ADAMTS12: variants seen among roughly 807,000 people sequenced by gnomAD.
The protein encoded by ADAMTS12 is A disintegrin and metalloproteinase with thrombospondin motifs 12.
ADAMTS12 carries 118 observed loss-of-function variants against 167.8 expected under a neutral mutation model. That is an observed-to-expected ratio of 0.70 (90% confidence interval 0.61 to 0.82). The LOEUF (loss-of-function observed/expected upper bound fraction) is 0.82, where lower values mean the gene tolerates loss of function less well. Ranked by LOEUF, ADAMTS12 falls within the 40% of genes least tolerant of loss-of-function variation. The probability of loss-of-function intolerance (pLI) is 0.00; values close to 1 mark genes in which losing one functional copy is unlikely to be tolerated. For missense variants in ADAMTS12, 1,916 were observed against 1,998.8 expected, an observed-to-expected ratio of 0.96 and a Z score of 0.79; for synonymous variants, 704 against 716.9, an observed-to-expected ratio of 0.98 and a Z score of 0.29.
intron 18 of ADAMTS12, among the ~76,000 whole-genome samples, chr5:33,583,122 C>T (rs1747156449): frequency 6.6e-6 from 1 of 152,054 alleles, no homozygotes; most frequent in African/African-American, 2.4e-5. Flanking sequence ...TTAATCATCC[C>T]CACCTTCCCT....
intron 2 of ADAMTS12, among the ~76,000 whole-genome samples, chr5:33,778,258 T>C (rs1207776394): frequency 6.6e-6 from 1 of 152,308 alleles, no homozygotes; most frequent in Non-Finnish European, 1.5e-5. Context: ...AAACATTACC[T>C]GATTTCAAAA....
chr5:33,888,442 G>C (rs1385692598), intron 1 of ADAMTS12, among the ~76,000 whole-genome samples: 1 of 152,212 alleles, frequency 6.6e-6, no homozygotes. Context: ...TGTGCTAACT[G>C]TATAGATTAT....
intron 14 of ADAMTS12, among the ~76,000 whole-genome samples, chr5:33,622,761 T>G (rs1164302921): frequency 6.6e-6 from 1 of 152,236 alleles, no homozygotes; most frequent in East Asian, 1.9e-4. Context: ...ATGAAAAATA[T>G]TTACAAAACA....
At chr5:33,844,897 C>T (rs1032338254) in intron 2 of ADAMTS12, among the ~76,000 whole-genome samples, 6 of 152,120 alleles carry the variant, frequency 3.9e-5, no homozygotes, top group Non-Finnish European at 5.9e-5. Flanking sequence ...TCAACCCGGC[C>T]GATGCTTATG....
Position 33,577,050 on chromosome 5 carries a change from G to A in ADAMTS12, c.2976C>T (p.Gly992=), listed in dbSNP as rs371392626. Reference sequence around the variant, plus strand: ...TCCGGCTAGAAGGGCATTGCTGGAGGCCACACAGAGCTCGGCTGTTGGGTT... The same window carrying A: ...TCCGGCTAGAAGGGCATTGCTGGAGACCACACAGAGCTCGGCTGTTGGGTT... ...TRKPNSRALC[G]LQQCPSSRRV... is the part of the protein sequence containing the mutation. Residue 992 remains glycine (G), a synonymous_variant, in exon 19 of 24, where the codon GGC becomes GGT. Coordinates refer to ENST00000504830, the MANE Select transcript of ADAMTS12 (RefSeq NM_030955.4). 3.1e-6 allele frequency: 5 copies of A among 1,614,064 alleles called. No homozygotes were observed. Among genetic ancestry groups the A allele is most frequent in the Non-Finnish European group, 4.2e-6 (5 of 1,180,030 alleles).
At chr5:33,602,686 T>TC (rs1288785809) in intron 16 of ADAMTS12, among the ~76,000 whole-genome samples, 6 of 152,222 alleles carry the variant, frequency 3.9e-5, no homozygotes, top group Middle Eastern at 3.2e-3. Context: ...AATAGGTGCT[T>TC]CTATTTATGA....
At chr5:33,878,234 T>C (rs1009103784) in intron 2 of ADAMTS12, among the ~76,000 whole-genome samples, 1 of 152,050 alleles carries the variant, frequency 6.6e-6, no homozygotes. Flanking sequence ...TCCAGCCAAG[T>C]AGTGCACACA....
In ADAMTS12 at chr5:33,559,433, G is replaced by A. The variant is rs148623596; in HGVS notation, c.4125+1594C>T. Among the ~76,000 whole-genome samples the A allele has an allele frequency of 2.4e-3, 362 of 152,328 alleles. 2 individuals carry two copies. Among genetic ancestry groups the A allele is most frequent in the Non-Finnish European group, 4.3e-3 (295 of 68,044 alleles). ...AGAACTGGTTAAGCCCTAGTCCAGC[G>A]TGACAAGCAGATTAGGCCTAGTTAG... On this transcript the variant is annotated intron_variant, in intron 20 of 23. Coordinates refer to ENST00000504830, the MANE Select transcript of ADAMTS12 (RefSeq NM_030955.4).
chr5:33,591,945 G>T (rs1561151923), intron 17 of ADAMTS12, among the ~76,000 whole-genome samples: 1 of 151,926 alleles, frequency 6.6e-6, no homozygotes, highest in Non-Finnish European at 1.5e-5. Flanking sequence ...AGTAAGCCAG[G>T]CGCGGTAGCT....
At chr5:33,671,840 TCACATACACACACACCCC>T (rs1561206391) in intron 5 of ADAMTS12, among the ~76,000 whole-genome samples, 3 of 139,438 alleles carry the variant, frequency 2.2e-5, no homozygotes, top group African/African-American at 8.1e-5. Context: ...ACCCACACAC[TCACATACACACACACCCC>T]CACATACACA....
chr5:33,845,282 G>C (rs11949477), intron 2 of ADAMTS12, among the ~76,000 whole-genome samples: 9 of 152,242 alleles, frequency 5.9e-5, no homozygotes, highest in Admixed American at 2.6e-4. Flanking sequence ...GGAGAAAAAG[G>C]TTCCCTGAAG....
intron 2 of ADAMTS12, among the ~76,000 whole-genome samples, chr5:33,766,846 C>CT (rs1384062630): frequency 6.6e-6 from 1 of 152,138 alleles, no homozygotes; most frequent in African/African-American, 2.4e-5. Flanking sequence ...CAAACAGACA[C>CT]TGTGGGAAAG....
At chr5:33,782,717 T>C (rs1746179134) in intron 2 of ADAMTS12, among the ~76,000 whole-genome samples, 1 of 151,854 alleles carries the variant, frequency 6.6e-6, no homozygotes. Flanking sequence ...AATAAAGAGA[T>C]AAATATATCG....
At chr5:33,857,313 A>G (rs1366876510) in intron 2 of ADAMTS12, among the ~76,000 whole-genome samples, 2 of 152,168 alleles carry the variant, frequency 1.3e-5, no homozygotes, top group Non-Finnish European at 2.9e-5. Flanking sequence ...CAGTTATGTA[A>G]GATGATTAAT....
chr5:33,828,823 CTTG>C (rs1156717122), intron 2 of ADAMTS12, among the ~76,000 whole-genome samples: 1 of 152,176 alleles, frequency 6.6e-6, no homozygotes, highest in Non-Finnish European at 1.5e-5. Context: ...GACTCAGGAT[CTTG>C]TTGGTGGAGA....
Position 33,641,893 on chromosome 5 carries a change from C to G in ADAMTS12, c.1635G>C (p.Trp545Cys), listed in dbSNP as rs1283461353. 7 of 1,613,810 alleles carry G rather than the reference C, an allele frequency of 4.3e-6. No individual in the cohort carries two copies. The part of the protein sequence containing the change: ...GKKPESIPGG[W>C]GRWSPWSHCS... Reference sequence around the variant, plus strand: ...AGTGGGACCAGGGTGACCAGCGGCCCCAGCCTCCAGGAATGCTCTCTGGTT... The same window carrying G: ...AGTGGGACCAGGGTGACCAGCGGCCGCAGCCTCCAGGAATGCTCTCTGGTT... The change falls in exon 11 of 24, where the codon TGG (tryptophan) becomes TGC (cysteine). Residue 545 changes from tryptophan to cysteine, a missense_variant. Coordinates refer to ENST00000504830, the MANE Select transcript of ADAMTS12 (RefSeq NM_030955.4).
intron 10 of ADAMTS12, 80 bp downstream of exon 10, chr5:33,643,298 C>G (rs1740534784): frequency 1.6e-5 from 23 of 1,426,870 alleles, no homozygotes; most frequent in African/African-American, 2.8e-5. Context: ...AGAGAGTTGC[C>G]CTCTAGGGCC....
At chr5:33,852,514 C>T (rs964284378) in intron 2 of ADAMTS12, among the ~76,000 whole-genome samples, 1 of 152,112 alleles carries the variant, frequency 6.6e-6, no homozygotes, top group East Asian at 1.9e-4. Flanking sequence ...TCAGTGACAC[C>T]AAATGCGGCC....
chr5:33,575,986 T>G, intron 19 of ADAMTS12, 68 bp downstream of exon 19: 1 of 1,527,706 alleles, frequency 6.5e-7, no homozygotes, highest in Non-Finnish European at 8.8e-7. Context: ...TTTTGAAATT[T>G]TCACATGAAT....
Sources: allele counts gnomAD v4.1 joint callset (sites outside exome capture counted in the v4.1 genomes callset), GRCh38; gene constraint gnomAD v4.1.1; transcripts MANE v1.5; gene names NCBI Gene and HGNC (gene_info 2026-07-23, HGNC 2026-07-21).